ADGRB3: variants seen among roughly 807,000 people sequenced by gnomAD.
ADGRB3 encodes adhesion G protein-coupled receptor B3, also known as brain-specific angiogenesis inhibitor 3.
ADGRB3 carries 37 observed loss-of-function variants against 193.4 expected under a neutral mutation model. The observed-to-expected ratio is 0.19, with a 90% CI of 0.15 to 0.25. The LOEUF (loss-of-function observed/expected upper bound fraction) is 0.25, where lower values mean the gene tolerates loss of function less well. Ranked by LOEUF, ADGRB3 falls within the 10% of genes least tolerant of loss-of-function variation. The probability of loss-of-function intolerance (pLI) is 1.00; values close to 1 mark genes in which losing one functional copy is unlikely to be tolerated. For synonymous variants in ADGRB3, 690 were observed against 644.2 expected, an observed-to-expected ratio of 1.07 and a Z score of -1.08; for missense variants, 1,637 against 1,852.9, an observed-to-expected ratio of 0.88 and a Z score of 2.14.
chr6:69,118,425 A>T (rs1005690745), intron 17 of ADGRB3, among the ~76,000 whole-genome samples: 2 of 148,816 alleles, frequency 1.3e-5, no homozygotes, highest in Admixed American at 1.4e-4. Context: ...TGCCTACAAG[A>T]GATAAAGTCT....
intron 20 of ADGRB3, among the ~76,000 whole-genome samples, chr6:69,272,927 T>A (rs914756749): frequency 6.6e-6 from 1 of 152,082 alleles, no homozygotes; most frequent in Non-Finnish European, 1.5e-5. Flanking sequence ...TGAGATGGAG[T>A]TTTGCTCTTT....
rs553197639 is a variant in ADGRB3 at position 69,116,477 on chromosome 6, A to C, written c.2480+40439A>C. The stretch of plus-strand genomic sequence containing the variant: ...ACAGCTATGAGGAGATTGGACATGA[A>C]AGTTATTTTTCAGGACACAGCTGGG... On this transcript the variant is annotated intron_variant, in intron 17 of 31. Coordinates refer to ENST00000370598, the MANE Select transcript of ADGRB3 (RefSeq NM_001704.3). Among the ~76,000 whole-genome samples, 153 of 152,294 alleles carry C rather than the reference A, an allele frequency of 1.0e-3. 1 individual carries two copies. The highest frequency in any genetic ancestry group is 3.6e-3 in the African/African-American group (150 of 41,550).
At chr6:69,024,217 G>A (rs543838614) in intron 13 of ADGRB3, among the ~76,000 whole-genome samples, 1 of 152,222 alleles carries the variant, frequency 6.6e-6, no homozygotes, top group East Asian at 1.9e-4. Context: ...AGGAGTTCCA[G>A]GACAAGACAG....
chr6:68,936,720 T>C (rs770456062), intron 5 of ADGRB3, 40 bp downstream of exon 5: 29 of 1,587,378 alleles, frequency 1.8e-5, no homozygotes, highest in East Asian at 6.8e-5. Flanking sequence ...TGTTATTGAA[T>C]TGTGTCATGC....
chr6:69,111,707 C>T (rs1773371015), intron 17 of ADGRB3, among the ~76,000 whole-genome samples: 1 of 152,016 alleles, frequency 6.6e-6, no homozygotes, highest in Non-Finnish European at 1.5e-5. Context: ...GGATATGAAA[C>T]CAAGATAATT....
At chr6:68,895,427 A>G (rs1430888491) in intron 3 of ADGRB3, among the ~76,000 whole-genome samples, 1 of 151,994 alleles carries the variant, frequency 6.6e-6, no homozygotes, top group Non-Finnish European at 1.5e-5. Context: ...GGTTCTAGCC[A>G]TACACCAAGA....
At chr6:69,038,262 T>C (rs1413795945) in intron 13 of ADGRB3, among the ~76,000 whole-genome samples, 2 of 152,108 alleles carry the variant, frequency 1.3e-5, no homozygotes, top group Non-Finnish European at 2.9e-5. Flanking sequence ...CCTCTTAGAT[T>C]CCTGATTTAT....
intron 28 of ADGRB3, 57 bp downstream of exon 28, chr6:69,355,917 G>T (rs1319959403): frequency 2.1e-6 from 3 of 1,400,450 alleles, no homozygotes; most frequent in Middle Eastern, 1.8e-4. Flanking sequence ...CATTTCTATA[G>T]ATTTTAATTT....
intron 3 of ADGRB3, among the ~76,000 whole-genome samples, chr6:68,820,718 C>A: frequency 6.6e-6 from 1 of 151,964 alleles, no homozygotes; most frequent in Non-Finnish European, 1.5e-5. Flanking sequence ...TAGTTTTTAG[C>A]TCCCACAAAT....
intron 3 of ADGRB3, among the ~76,000 whole-genome samples, chr6:68,653,749 G>T (rs1049244036): frequency 2.6e-5 from 4 of 151,958 alleles, no homozygotes; most frequent in Non-Finnish European, 5.9e-5. Flanking sequence ...AGAACTAAGA[G>T]AAAAACATTT....
At chr6:69,338,860 T>A (rs1451761894) in intron 24 of ADGRB3, 56 bp from the exon 25 acceptor site, 5 of 1,509,734 alleles carry the variant, frequency 3.3e-6, no homozygotes, top group Non-Finnish European at 4.5e-6. Context: ...CAGCAATTTT[T>A]TTTTGGTGAC....
At chr6:69,089,638 T>G (rs917666300) in intron 17 of ADGRB3, among the ~76,000 whole-genome samples, 10 of 152,242 alleles carry the variant, frequency 6.6e-5, no homozygotes, top group Admixed American at 3.3e-4. Context: ...ATAACCACTT[T>G]ACAATTCTAC....
At chr6:69,236,124 T>C (rs1561961940) in intron 19 of ADGRB3, among the ~76,000 whole-genome samples, 3 of 152,020 alleles carry the variant, frequency 2.0e-5, no homozygotes, top group Non-Finnish European at 4.4e-5. Flanking sequence ...CAATTTTATT[T>C]AAAAAGACCA....
At position 69,049,280 on chromosome 6, in the gene ADGRB3, A is replaced by T; in HGVS notation, c.2267A>T (p.Glu756Val). Reference sequence around the variant, plus strand: ...AATTTATTCTTTCTAGAATTAGATGAATCATCTGTATTTGTTCTTGGCGCA... The same window carrying T: ...AATTTATTCTTTCTAGAATTAGATGTATCATCTGTATTTGTTCTTGGCGCA... The part of the protein sequence containing the change: ...FTPVSSKELD[E>V]SSVFVLGAVL... Residue 756 changes from glutamate to valine, a missense_variant, in exon 15 of 32, where the codon GAA becomes GTA. Physicochemically the swap from Glu to Val is moderately radical, Grantham distance 121. Transcript: ENST00000370598. The T allele has an allele frequency of 3.1e-6, 5 of 1,601,574 alleles. No individual in the cohort carries two copies. Among genetic ancestry groups the T allele is most frequent in the Non-Finnish European group, 4.3e-6 (5 of 1,172,926 alleles).
At chr6:68,674,077 G>A (rs1327638671) in intron 3 of ADGRB3, among the ~76,000 whole-genome samples, 1 of 152,114 alleles carries the variant, frequency 6.6e-6, no homozygotes, top group African/African-American at 2.4e-5. Context: ...TCCCTGGAAA[G>A]CATCTCACAC....
intron 3 of ADGRB3, among the ~76,000 whole-genome samples, chr6:68,675,535 G>A (rs1444832309): frequency 6.6e-6 from 1 of 152,060 alleles, no homozygotes; most frequent in Non-Finnish European, 1.5e-5. Context: ...TGAGGGAAGA[G>A]TCTAAAGCAT....
At chr6:68,758,827 C>G (rs1766343771) in intron 3 of ADGRB3, among the ~76,000 whole-genome samples, 1 of 152,144 alleles carries the variant, frequency 6.6e-6, no homozygotes, top group Non-Finnish European at 1.5e-5. Flanking sequence ...CTATGTCTGT[C>G]TGACCACCCT....
chr6:69,271,521 T>A (rs899969659), intron 20 of ADGRB3, among the ~76,000 whole-genome samples: 1 of 152,166 alleles, frequency 6.6e-6, no homozygotes, highest in African/African-American at 2.4e-5. Flanking sequence ...TGCTTACAGA[T>A]AATATTTTTG....
Position 69,235,198 on chromosome 6 carries a change from T to C in ADGRB3, c.2711+63T>C, listed in dbSNP as rs1207850692. 2.2e-5 allele frequency: 27 copies of C among 1,236,146 alleles called. No homozygotes were observed. In the Admixed American group the frequency reaches 2.7e-4, roughly 12 times the overall value. The allele number at this position is 1,236,146 out of a possible 1,614,324, so 76.6% of individuals were successfully genotyped here. ...AGTTGTTCATAGTTAAATCAAGGAA[T>C]GTGATAATTATTAAATGTCTCCTGT... On this transcript the variant is annotated intron_variant, in intron 19 of 31. Transcript: ENST00000370598.
Sources: gnomAD v4.1 joint callset for allele counts (sites outside exome capture counted in the v4.1 genomes callset) on GRCh38, gnomAD v4.1.1 for gene constraint, MANE v1.5 for transcripts, NCBI Gene and HGNC (gene_info 2026-07-23, HGNC 2026-07-21) for gene names.